The following EPB41L4A variants were observed in gnomAD, a reference collection of about 807,000 sequenced individuals.
EPB41L4A encodes the protein band 4.1-like protein 4A.
EPB41L4A carries 100 observed loss-of-function variants against 108.6 expected under a neutral mutation model. The observed-to-expected ratio is 0.92, with a 90% confidence interval of 0.78 to 1.09. EPB41L4A has a LOEUF of 1.09. Ranked by LOEUF, EPB41L4A falls within the 50% of genes least tolerant of loss-of-function variation. The probability of loss-of-function intolerance (pLI) is 0.00; values close to 1 mark genes in which losing one functional copy is unlikely to be tolerated. For synonymous variants in EPB41L4A, 319 were observed against 289.0 expected (o/e 1.10, Z -1.05); for missense variants, 1,030 against 842.7 (o/e 1.22, Z -2.75).
chr5:112,314,872 C>A (rs892640486), intron 1 of EPB41L4A, among the ~76,000 whole-genome samples: 3 of 152,046 alleles, frequency 2.0e-5, no homozygotes, highest in Non-Finnish European at 4.4e-5. Flanking sequence ...GAAACCTCTG[C>A]CAAAATGGGG....
chr5:112,349,833 T>C (rs1275306895), intron 1 of EPB41L4A, among the ~76,000 whole-genome samples: 2 of 152,090 alleles, frequency 1.3e-5, no homozygotes, highest in African/African-American at 2.4e-5. Context: ...GGACAGAAAG[T>C]TCTGGTCAAA....
chr5:112,412,003 G>A lies in EPB41L4A; in HGVS notation c.99+6938C>T, dbSNP rs79808549. Among the ~76,000 whole-genome samples, 319 of 152,210 alleles carry A rather than the reference G, an allele frequency of 2.1e-3. 1 individual carries two copies. The highest frequency in any genetic ancestry group is 5.8e-3 in the African/African-American group (239 of 41,520). On this transcript the variant is annotated intron_variant, in intron 1 of 22. Coordinates refer to ENST00000261486, the MANE Select transcript of EPB41L4A (RefSeq NM_022140.5). ...TAAACAAAGCACTTTCTAACCAACC[G>A]CTGAAACATAGTCCCCCTCAAGATG...
At chr5:112,227,227 C>T (rs1748524715) in intron 12 of EPB41L4A, among the ~76,000 whole-genome samples, 1 of 152,118 alleles carries the variant, frequency 6.6e-6, no homozygotes, top group African/African-American at 2.4e-5. Context: ...TTCCAAGCCC[C>T]TCTCACTGTA....
chr5:112,323,875 G>T (rs146402579), intron 1 of EPB41L4A, among the ~76,000 whole-genome samples: 2 of 152,288 alleles, frequency 1.3e-5, no homozygotes, highest in African/African-American at 4.8e-5. Flanking sequence ...AACCAGATTA[G>T]CATTAGATTT....
At chr5:112,234,544 A>C in intron 12 of EPB41L4A, 90 bp downstream of exon 12, 3 of 1,169,772 alleles carry the variant, frequency 2.6e-6, no homozygotes, top group Non-Finnish European at 1.2e-6. Context: ...GAAAGACTGT[A>C]GAGTTATAGA....
At chr5:112,151,661 G>C (rs551890708) in intron 12 of EPB41L4A, among the ~76,000 whole-genome samples, 97 of 151,852 alleles carry the variant, frequency 6.4e-4, no homozygotes, top group African/African-American at 2.3e-3. Context: ...ACCTGCCTTG[G>C]CCTCCTGAAA....
Position 112,345,490 on chromosome 5 carries a change from TAGAAGGAA to T in EPB41L4A, c.100-38008_100-38001del, listed in dbSNP as rs556322670. On this transcript the variant is annotated intron_variant, in intron 1 of 22. Coordinates refer to ENST00000261486, the MANE Select transcript of EPB41L4A (RefSeq NM_022140.5). ...CTTTAAAAAAAAAGATACATTAGAC[TAGAAGGAA>T]ATATACAAAAATGTTAACCATGGTT... 7.7e-4 allele frequency among the ~76,000 whole-genome samples: 117 copies of T among 152,166 alleles called. 2 individuals carry two copies. In the South Asian group the frequency reaches 0.023, roughly 31 times the overall value.
At chr5:112,143,849 C>G in exon 14 of EPB41L4A, 1 of 455,370 alleles carries the variant, frequency 2.2e-6, no homozygotes, top group South Asian at 1.6e-5. Flanking sequence ...ATGTGCTGAC[C>G]CTGTATAAAC....
chr5:112,183,556 G>T (rs942742307), intron 18 of EPB41L4A, among the ~76,000 whole-genome samples: 1 of 152,172 alleles, frequency 6.6e-6, no homozygotes, highest in Non-Finnish European at 1.5e-5. Flanking sequence ...GGAGGAGCAC[G>T]CAAATTCCAA....
chr5:112,213,031 A>G (rs1580445668), intron 12 of EPB41L4A, among the ~76,000 whole-genome samples: 2 of 152,352 alleles, frequency 1.3e-5, no homozygotes, highest in Middle Eastern at 3.4e-3. Flanking sequence ...GCTTAAAGAA[A>G]GCAATATTTG....
chr5:112,353,520 G>T (rs1348638827), intron 1 of EPB41L4A, among the ~76,000 whole-genome samples: 1 of 152,146 alleles, frequency 6.6e-6, no homozygotes, highest in African/African-American at 2.4e-5. Context: ...AGCACAGGTA[G>T]GTGGGTAGCG....
intron 17 of EPB41L4A, among the ~76,000 whole-genome samples, chr5:112,186,123 G>A (rs1761415552): frequency 1.3e-5 from 2 of 152,192 alleles, no homozygotes; most frequent in Admixed American, 1.3e-4. Flanking sequence ...AGTCTTTTAG[G>A]ATGCAGCTTT....
At chr5:112,344,130 T>C (rs1307243916) in intron 1 of EPB41L4A, among the ~76,000 whole-genome samples, 1 of 152,140 alleles carries the variant, frequency 6.6e-6, no homozygotes, top group Non-Finnish European at 1.5e-5. Context: ...CACTAGATAA[T>C]AGGATTATGG....
At chr5:112,315,667 A>G (rs1755384295) in intron 1 of EPB41L4A, among the ~76,000 whole-genome samples, 1 of 152,212 alleles carries the variant, frequency 6.6e-6, no homozygotes, top group South Asian at 2.1e-4. Flanking sequence ...TAGCATAAGG[A>G]ATAAATATCT....
intron 1 of EPB41L4A, among the ~76,000 whole-genome samples, chr5:112,354,395 G>A (rs2150740518): frequency 6.6e-6 from 1 of 152,120 alleles, no homozygotes; most frequent in East Asian, 1.9e-4. Flanking sequence ...GTAATAAAGG[G>A]AAAATAAACA....
chr5:112,303,057 G>A (rs1046450840), intron 2 of EPB41L4A, among the ~76,000 whole-genome samples: 6 of 152,162 alleles, frequency 3.9e-5, no homozygotes, highest in African/African-American at 1.4e-4. Context: ...ACAGTTGCTT[G>A]AAGACATCTC....
chr5:112,183,166 G>A (rs1333686557), intron 18 of EPB41L4A, among the ~76,000 whole-genome samples: 1 of 152,042 alleles, frequency 6.6e-6, no homozygotes, highest in Non-Finnish European at 1.5e-5. Context: ...GGCACTCACA[G>A]CTGTCCTCTT....
intron 1 of EPB41L4A, among the ~76,000 whole-genome samples, chr5:112,389,369 A>G (rs1760779183): frequency 1.3e-5 from 2 of 152,210 alleles, no homozygotes; most frequent in African/African-American, 4.8e-5. Flanking sequence ...CCAGACTGAA[A>G]AATCAAAACA....
At chr5:112,397,416 C>T (rs554001247) in intron 1 of EPB41L4A, among the ~76,000 whole-genome samples, 1 of 152,276 alleles carries the variant, frequency 6.6e-6, no homozygotes, top group South Asian at 2.1e-4. Context: ...ACAGTATCTA[C>T]TAAGCACCAA....
Sources: allele counts gnomAD v4.1 joint callset (sites outside exome capture counted in the v4.1 genomes callset), GRCh38; gene constraint gnomAD v4.1.1; transcripts MANE v1.5; gene names NCBI Gene and HGNC (gene_info 2026-07-23, HGNC 2026-07-21).